The following MAML3 variants were observed in gnomAD, a reference collection of about 807,000 sequenced individuals.
MAML3 encodes the protein mastermind-like protein 3.
In MAML3, 27 loss-of-function variants were observed where a neutral mutation model predicts 101.9. The observed-to-expected ratio is 0.27, with a 90% CI of 0.20 to 0.37. The LOEUF (loss-of-function observed/expected upper bound fraction) is 0.37, where lower values mean the gene tolerates loss of function less well. Among genes scored for constraint, MAML3 ranks in the 10% least tolerant of loss-of-function variants. MAML3 has a pLI of 1.00. For missense variants in MAML3, 1,316 were observed against 1,444.9 expected (o/e 0.91, Z 1.45); for synonymous variants, 501 against 555.9 (o/e 0.90, Z 1.39).
intron 2 of MAML3, among the ~76,000 whole-genome samples, chr4:139,788,766 A>C (rs796863491): frequency 4.0e-4 from 61 of 152,360 alleles, no homozygotes; most frequent in African/African-American, 1.4e-3. Context: ...CCTAGAACAG[A>C]AGTTCTGCCT....
At chr4:140,022,356 A>T (rs1726746562) in intron 1 of MAML3, among the ~76,000 whole-genome samples, 1 of 152,202 alleles carries the variant, frequency 6.6e-6, no homozygotes, top group Non-Finnish European at 1.5e-5. Context: ...TAAATTGAAG[A>T]CTTCCTTTAT....
At chr4:139,722,201 T>A (rs1474290286) in intron 4 of MAML3, among the ~76,000 whole-genome samples, 1 of 152,240 alleles carries the variant, frequency 6.6e-6, no homozygotes, top group Non-Finnish European at 1.5e-5. Context: ...TAGGCAGTGA[T>A]ACATTAATCC....
At chr4:139,916,874 A>G (rs995059957) in intron 1 of MAML3, among the ~76,000 whole-genome samples, 5 of 152,256 alleles carry the variant, frequency 3.3e-5, no homozygotes, top group Admixed American at 3.3e-4. Flanking sequence ...AGTGACTTGC[A>G]GGGATTTTCA....
At chr4:139,870,108 C>T (rs1731976547) in intron 2 of MAML3, among the ~76,000 whole-genome samples, 1 of 152,210 alleles carries the variant, frequency 6.6e-6, no homozygotes, top group South Asian at 2.1e-4. Context: ...TAAAGCGCTC[C>T]ATGAATGGTC....
intron 2 of MAML3, among the ~76,000 whole-genome samples, chr4:139,836,288 T>C (rs959751680): frequency 6.6e-6 from 1 of 152,186 alleles, no homozygotes; most frequent in African/African-American, 2.4e-5. Context: ...AGCTCCTCAA[T>C]CAATTTGTCT....
At chr4:139,747,690 T>G (rs1729371658) in intron 2 of MAML3, among the ~76,000 whole-genome samples, 1 of 145,296 alleles carries the variant, frequency 6.9e-6, no homozygotes, top group Admixed American at 7.0e-5. Flanking sequence ...CAAGACTCCC[T>G]CTCAGAAAAG....
At chr4:140,045,512 T>A (rs778835447) in intron 1 of MAML3, among the ~76,000 whole-genome samples, 1 of 152,190 alleles carries the variant, frequency 6.6e-6, no homozygotes, top group African/African-American at 2.4e-5. Flanking sequence ...TCTAAAATAT[T>A]CTTCTAAAGT....
intron 1 of MAML3, among the ~76,000 whole-genome samples, chr4:139,960,935 T>G (rs1014057219): frequency 1.3e-5 from 2 of 152,198 alleles, no homozygotes; most frequent in Non-Finnish European, 2.9e-5. Context: ...CCCAGGTGAC[T>G]TGAGTTCAAA....
Position 139,885,932 on chromosome 4 carries a change from CAAAAAAAAAAAA to C in MAML3, c.2079+3413_2079+3424del, listed in dbSNP as rs1182443191. Among the ~76,000 whole-genome samples, 148 of 20,312 alleles carry C rather than the reference CAAAAAAAAAAAA, an allele frequency of 7.3e-3. 1 individual carries two copies. The highest frequency in any genetic ancestry group is 0.018 in the African/African-American group (135 of 7,570). The allele number at this position is 20,312 out of a possible 152,430, so 13.3% of individuals were successfully genotyped here. On this transcript the variant is annotated intron_variant, in intron 2 of 4. Transcript: ENST00000509479. ...TGGGCGACAGGGCAAGACTCCGTCT[CAAAAAAAAAAAA>C]AAAAAAAAAAAAAGAAAGAGAAAAA...
chr4:139,983,865 C>G (rs1393180642), intron 1 of MAML3, among the ~76,000 whole-genome samples: 1 of 152,130 alleles, frequency 6.6e-6, no homozygotes, highest in Admixed American at 6.6e-5. Flanking sequence ...ATGGTCAGCA[C>G]CCCCATGTGT....
chr4:139,825,268 T>C (rs977657082), intron 2 of MAML3, among the ~76,000 whole-genome samples: 1 of 152,142 alleles, frequency 6.6e-6, no homozygotes, highest in African/African-American at 2.4e-5. Context: ...GAGGGGTGGC[T>C]GTGATTGTCT....
At chr4:139,858,601 T>C (rs1731710787) in intron 2 of MAML3, among the ~76,000 whole-genome samples, 1 of 152,150 alleles carries the variant, frequency 6.6e-6, no homozygotes. Flanking sequence ...AGCTAGTTAA[T>C]ACTCAGTAAA....
chr4:140,050,310 G>A (rs1219408869), intron 1 of MAML3, among the ~76,000 whole-genome samples: 1 of 151,646 alleles, frequency 6.6e-6, no homozygotes, highest in Non-Finnish European at 1.5e-5. Context: ...AATATAAATG[G>A]GAAAGCATCC....
chr4:139,956,556 C>T (rs972047727), intron 1 of MAML3, among the ~76,000 whole-genome samples: 2 of 152,072 alleles, frequency 1.3e-5, no homozygotes, highest in Non-Finnish European at 2.9e-5. Context: ...AAATAGAGTC[C>T]CCGAATGAAA....
At chr4:139,798,038 A>AGAGAGAG (rs1560797500) in intron 2 of MAML3, among the ~76,000 whole-genome samples, 1 of 5,756 alleles carries the variant, frequency 1.7e-4, no homozygotes, top group African/African-American at 3.2e-4. Context: ...GAGAGAGAGA[A>AGAGAGAG]AGAAAGAAAG....
chr4:139,727,221 C>A (rs1242449349), intron 3 of MAML3, among the ~76,000 whole-genome samples: 2 of 152,190 alleles, frequency 1.3e-5, no homozygotes, highest in Admixed American at 1.3e-4. Flanking sequence ...GACTCGTTGA[C>A]CCCATCCCAT....
chr4:139,802,445 C>G (rs1730626478), intron 2 of MAML3, among the ~76,000 whole-genome samples: 1 of 152,190 alleles, frequency 6.6e-6, no homozygotes, highest in Non-Finnish European at 1.5e-5. Context: ...TGCCCGACTT[C>G]CTCTCATCAC....
At chr4:139,836,083 G>A (rs117025290) in intron 2 of MAML3, among the ~76,000 whole-genome samples, 4 of 152,210 alleles carry the variant, frequency 2.6e-5, no homozygotes, top group African/African-American at 9.7e-5. Flanking sequence ...TAGATCATGT[G>A]ACCCTTGGCC....
At chr4:139,802,561 G>A (rs1386563994) in intron 2 of MAML3, among the ~76,000 whole-genome samples, 2 of 152,082 alleles carry the variant, frequency 1.3e-5, no homozygotes, top group East Asian at 1.9e-4. Flanking sequence ...CAAAGATAAC[G>A]AACAATCCCT....
Sources: allele counts gnomAD v4.1 joint callset (sites outside exome capture counted in the v4.1 genomes callset), GRCh38; gene constraint gnomAD v4.1.1; transcripts MANE v1.5; gene names NCBI Gene and HGNC (gene_info 2026-07-23, HGNC 2026-07-21).